MALRD1: variants seen among roughly 807,000 people sequenced by gnomAD.
MALRD1 encodes the protein MAM and LDL receptor class A domain containing 1, also known as MAM and LDL-receptor class A domain-containing protein 1.
A neutral mutation model predicts 242.1 loss-of-function variants in MALRD1; 247 were observed. The ratio of observed to expected loss-of-function variants is 1.02; its 90% CI spans 0.92 to 1.13. The LOEUF (loss-of-function observed/expected upper bound fraction) is 1.13. MALRD1 is among the 50% of genes most tolerant of loss of function. The probability of loss-of-function intolerance (pLI) is 0.00; values close to 1 mark genes in which losing one functional copy is unlikely to be tolerated. For synonymous variants in MALRD1, 995 were observed against 866.6 expected (o/e 1.15, Z -2.60); for missense variants, 2,989 against 2,533.1 (o/e 1.18, Z -3.86).
intron 18 of MALRD1, among the ~76,000 whole-genome samples, chr10:19,211,720 G>C (rs1837080255): frequency 7.1e-6 from 1 of 141,242 alleles, no homozygotes; most frequent in Non-Finnish European, 1.5e-5. Context: ...AAAAAAAAAG[G>C]TTGGGCAGGG....
chr10:19,258,942 T>C (rs1167500153), intron 19 of MALRD1, among the ~76,000 whole-genome samples: 1 of 152,118 alleles, frequency 6.6e-6, no homozygotes, highest in Admixed American at 6.6e-5. Context: ...AAATCTGGTT[T>C]ATATTAACAA....
chr10:19,123,672 C>A, intron 6 of MALRD1, 79 bp downstream of exon 6: 1 of 778,262 alleles, frequency 1.3e-6, no homozygotes. Flanking sequence ...GGAAAGTGCA[C>A]GCGCCAACCT....
chr10:19,625,367 G>A (rs1468966003), intron 36 of MALRD1, among the ~76,000 whole-genome samples: 1 of 151,846 alleles, frequency 6.6e-6, no homozygotes, highest in Non-Finnish European at 1.5e-5. Context: ...AAATTCATAT[G>A]GTTGCTTTTG....
At chr10:19,271,516 G>A (rs1343037457) in intron 19 of MALRD1, among the ~76,000 whole-genome samples, 1 of 152,174 alleles carries the variant, frequency 6.6e-6, no homozygotes, top group East Asian at 1.9e-4. Flanking sequence ...TGTAATCCCA[G>A]CACTTTGGGA....
intron 24 of MALRD1, among the ~76,000 whole-genome samples, chr10:19,340,644 A>G (rs60078895): frequency 0.059 from 8,951 of 152,164 alleles, 546 homozygotes; most frequent in African/African-American, 0.16. Flanking sequence ...GGATGAGGGG[A>G]AAGAACATTT....
intron 11 of MALRD1, among the ~76,000 whole-genome samples, chr10:19,148,114 G>T (rs138313209): frequency 1.0e-3 from 157 of 152,240 alleles, no homozygotes; most frequent in African/African-American, 3.5e-3. Context: ...TGTCTGAGAT[G>T]AGGAGAATGG....
chr10:19,438,989 T>A (rs1537350), intron 28 of MALRD1, among the ~76,000 whole-genome samples: 108,861 of 152,096 alleles, frequency 0.72, 39,096 homozygotes, highest in Non-Finnish European at 0.75. Context: ...ACTATCATAG[T>A]TATGTGTCTC....
At chr10:19,458,927 A>AT (rs894947637) in intron 29 of MALRD1, among the ~76,000 whole-genome samples, 1 of 151,852 alleles carries the variant, frequency 6.6e-6, no homozygotes, top group Non-Finnish European at 1.5e-5. Flanking sequence ...TATATATAGT[A>AT]TTTTTTAAGA....
chr10:19,364,941 T>C (rs768874026), intron 26 of MALRD1, among the ~76,000 whole-genome samples: 65 of 152,146 alleles, frequency 4.3e-4, no homozygotes, highest in Non-Finnish European at 8.1e-4. Context: ...ATTAGCATAT[T>C]ATCTGAGTGC....
At chr10:19,430,764 G>A (rs1033497292) in intron 28 of MALRD1, among the ~76,000 whole-genome samples, 6 of 152,116 alleles carry the variant, frequency 3.9e-5, no homozygotes, top group Non-Finnish European at 4.4e-5. Flanking sequence ...GTTTCATTAT[G>A]TGTCCTCACC....
chr10:19,279,889 A>G (rs1840719582), intron 19 of MALRD1, among the ~76,000 whole-genome samples, 158 bp from the exon 20 acceptor site: 2 of 152,214 alleles, frequency 1.3e-5, no homozygotes, highest in Non-Finnish European at 2.9e-5. Flanking sequence ...TACTAAAAAC[A>G]AGAACCTCGA....
intron 33 of MALRD1, among the ~76,000 whole-genome samples, chr10:19,576,927 A>G (rs1224802891): frequency 7.0e-5 from 10 of 143,432 alleles, no homozygotes; most frequent in Admixed American, 7.0e-4. Context: ...TTTCTCTGTC[A>G]TTTTTAGTTC....
chr10:19,609,452 A>G (rs1365716836), intron 35 of MALRD1, among the ~76,000 whole-genome samples: 1 of 152,070 alleles, frequency 6.6e-6, no homozygotes, highest in Non-Finnish European at 1.5e-5. Context: ...TTGTCAATGT[A>G]CATTACACAT....
At chr10:19,662,785 G>A (rs887425719) in intron 36 of MALRD1, among the ~76,000 whole-genome samples, 1 of 152,060 alleles carries the variant, frequency 6.6e-6, no homozygotes, top group Non-Finnish European at 1.5e-5. Flanking sequence ...CATAACAAAA[G>A]CAGTAAGAGC....
At chr10:19,395,657 C>A (rs1846545071) in intron 28 of MALRD1, among the ~76,000 whole-genome samples, 1 of 152,128 alleles carries the variant, frequency 6.6e-6, no homozygotes, top group Non-Finnish European at 1.5e-5. Context: ...AAAGGTGTAA[C>A]CACACAAGAT....
chr10:19,245,461 T>C (rs1442907733), intron 18 of MALRD1, among the ~76,000 whole-genome samples: 2 of 152,218 alleles, frequency 1.3e-5, no homozygotes, highest in African/African-American at 2.4e-5. Context: ...CATTGCATGG[T>C]TGAATAGAAA....
At chr10:19,530,588 C>A in intron 31 of MALRD1, among the ~76,000 whole-genome samples, 1 of 149,108 alleles carries the variant, frequency 6.7e-6, no homozygotes, top group Non-Finnish European at 1.5e-5. Flanking sequence ...TTTACCTACC[C>A]ACAAAGGGGA....
chr10:19,331,667 A>C (rs555502674), intron 24 of MALRD1, 85 bp downstream of exon 24: 132 of 1,107,784 alleles, frequency 1.2e-4, no homozygotes, highest in Admixed American at 2.7e-4. Flanking sequence ...TGAAACATGC[A>C]GAGTGTGTGT....
intron 26 of MALRD1, among the ~76,000 whole-genome samples, chr10:19,387,247 T>A (rs1846118342): frequency 6.6e-6 from 1 of 151,786 alleles, no homozygotes; most frequent in Admixed American, 6.6e-5. Flanking sequence ...TTACAAGGAA[T>A]GTTGCATTTG....
Sources: allele counts gnomAD v4.1 joint callset (sites outside exome capture counted in the v4.1 genomes callset), GRCh38; gene constraint gnomAD v4.1.1; transcripts MANE v1.5; gene names NCBI Gene and HGNC (gene_info 2026-07-23, HGNC 2026-07-21).